Variants in VAT1L observed in about 807,000 individuals in gnomAD.
VAT1L encodes the protein vesicle amine transport 1 like.
In VAT1L, 34 loss-of-function variants were observed where a neutral mutation model predicts 44.1. That is an observed-to-expected ratio of 0.77 (90% CI 0.59 to 1.03). VAT1L has a LOEUF of 1.03. Ranked by LOEUF, VAT1L falls within the 50% of genes least tolerant of loss-of-function variation. The pLI, the probability that VAT1L is intolerant of heterozygous loss-of-function variation, is 0.00. For missense variants in VAT1L, 615 were observed against 538.8 expected, an observed-to-expected ratio of 1.14 and a Z score of -1.40; for synonymous variants, 253 against 202.2, an observed-to-expected ratio of 1.25 and a Z score of -2.13.
chr16:77,948,253 G>A (rs1356860773), intron 7 of VAT1L, among the ~76,000 whole-genome samples: 1 of 152,140 alleles, frequency 6.6e-6, no homozygotes, highest in Non-Finnish European at 1.5e-5. Context: ...GCTCATCTCT[G>A]CATGCTGCCT....
chr16:77,891,724 G>T (rs1179059765), intron 7 of VAT1L, among the ~76,000 whole-genome samples: 1 of 152,226 alleles, frequency 6.6e-6, no homozygotes, highest in East Asian at 1.9e-4. Flanking sequence ...GGAAGAAAAT[G>T]TGATGCTGAG....
At chr16:77,796,724 C>T (rs915073133) in intron 1 of VAT1L, among the ~76,000 whole-genome samples, 3 of 152,202 alleles carry the variant, frequency 2.0e-5, no homozygotes, top group Admixed American at 1.3e-4. Flanking sequence ...CATGAATTGC[C>T]ATCTCTTGTT....
At chr16:77,876,588 G>T in intron 5 of VAT1L, 115 bp downstream of exon 5, 1 of 856,334 alleles carries the variant, frequency 1.2e-6, no homozygotes, top group East Asian at 2.5e-5. Flanking sequence ...GGATGGGGGT[G>T]TTTCATTTTT....
At chr16:77,821,624 T>C (rs534402999) in intron 2 of VAT1L, among the ~76,000 whole-genome samples, 2 of 152,134 alleles carry the variant, frequency 1.3e-5, no homozygotes, top group Non-Finnish European at 2.9e-5. Flanking sequence ...TACAACTGTG[T>C]GGTCTTGGGC....
At chr16:77,932,788 C>T (rs751228212) in intron 7 of VAT1L, among the ~76,000 whole-genome samples, 6 of 152,150 alleles carry the variant, frequency 3.9e-5, no homozygotes, top group Non-Finnish European at 7.4e-5. Context: ...TGCCCACAAA[C>T]CTGCATTCTT....
intron 1 of VAT1L, among the ~76,000 whole-genome samples, chr16:77,793,059 T>G (rs979704885): frequency 2.0e-5 from 3 of 152,226 alleles, no homozygotes; most frequent in African/African-American, 7.2e-5. Flanking sequence ...ACCATTATTA[T>G]GTAAACTTTT....
chr16:77,948,639 G>C (rs192367425), intron 7 of VAT1L, among the ~76,000 whole-genome samples: 1 of 152,114 alleles, frequency 6.6e-6, no homozygotes, highest in Non-Finnish European at 1.5e-5. Context: ...ATATTTGGTT[G>C]ATTTTTTCCT....
chr16:77,921,746 A>G (rs1409102333), intron 7 of VAT1L, among the ~76,000 whole-genome samples: 1 of 152,088 alleles, frequency 6.6e-6, no homozygotes, highest in African/African-American at 2.4e-5. Flanking sequence ...AAACTTGTAC[A>G]CTTTTTTTTC....
At chr16:77,830,120 C>A (rs535519414) in intron 3 of VAT1L, among the ~76,000 whole-genome samples, 49 of 152,204 alleles carry the variant, frequency 3.2e-4, no homozygotes, top group Admixed American at 2.5e-3. Context: ...GAGGCAAGAT[C>A]AGCACTCTGC....
intron 7 of VAT1L, among the ~76,000 whole-genome samples, chr16:77,925,048 C>A (rs933559555): frequency 6.6e-6 from 1 of 152,098 alleles, no homozygotes; most frequent in Non-Finnish European, 1.5e-5. Flanking sequence ...CATGGGTGGT[C>A]CGTTATGTAA....
At chr16:77,942,138 A>T (rs528122209) in intron 7 of VAT1L, among the ~76,000 whole-genome samples, 3 of 152,194 alleles carry the variant, frequency 2.0e-5, no homozygotes, top group Admixed American at 2.0e-4. Flanking sequence ...AGAAAAAAGA[A>T]GTTTAATGGA....
intron 7 of VAT1L, among the ~76,000 whole-genome samples, chr16:77,940,362 G>A (rs933260438): frequency 4.5e-5 from 3 of 66,482 alleles, no homozygotes; most frequent in African/African-American, 1.7e-4. Context: ...TTTTTTTTTG[G>A]AGACAGACTC....
chr16:77,805,865 C>CTTTTTTTTTTTTTTTTT lies in VAT1L; in HGVS notation c.234-11041_234-11040insTTTTTTTTTTTTTTTTT, dbSNP rs10689119. ...GTGTTATTTTTTCCTTAGTCTCTGC[C>CTTTTTTTTTTTTTTTTT]TTTTTTTTTTTTTTTGAGATGGAGT... On this transcript the variant is annotated intron_variant, in intron 1 of 8. Coordinates refer to ENST00000302536, the MANE Select transcript of VAT1L (RefSeq NM_020927.3). 8.2e-4 allele frequency among the ~76,000 whole-genome samples: 65 copies of CTTTTTTTTTTTTTTTTT among 78,848 alleles called. 3 individuals carry two copies. Among genetic ancestry groups the CTTTTTTTTTTTTTTTTT allele is most frequent in the Middle Eastern group, 8.9e-3 (1 of 112 alleles). 51.7% of individuals were successfully genotyped at this position (78,848 alleles called of 152,430 possible). A position where few individuals can be genotyped will look rare whatever the true frequency, so the allele number is the denominator to read the frequency against.
intron 7 of VAT1L, among the ~76,000 whole-genome samples, chr16:77,948,533 T>C (rs2017999507): frequency 6.6e-6 from 1 of 152,124 alleles, no homozygotes; most frequent in African/African-American, 2.4e-5. Context: ...TGTAAACTTT[T>C]TGGAAAATTT....
intron 7 of VAT1L, among the ~76,000 whole-genome samples, chr16:77,912,542 C>G (rs1236865518): frequency 6.6e-6 from 1 of 152,030 alleles, no homozygotes; most frequent in African/African-American, 2.4e-5. Flanking sequence ...CTTGGCCTCC[C>G]AAAATCTACT....
At chr16:77,854,049 A>G (rs1002945998) in intron 3 of VAT1L, among the ~76,000 whole-genome samples, 5 of 151,728 alleles carry the variant, frequency 3.3e-5, no homozygotes, top group African/African-American at 1.2e-4. Flanking sequence ...AAGCTCTTGA[A>G]CCCGGGAGGT....
intron 4 of VAT1L, among the ~76,000 whole-genome samples, chr16:77,874,860 A>AAAAAAAAAAAAAAAAAAAAT (rs1567494445): frequency 6.6e-6 from 1 of 151,014 alleles, no homozygotes; most frequent in Non-Finnish European, 1.5e-5. Context: ...AAAAAAAAAA[A>AAAAAAAAAAAAAAAAAAAAT]AAAGCCAGTC....
chr16:77,979,837 C>G lies in VAT1L; in HGVS notation c.*2142C>G, dbSNP rs1037868106. On this transcript the variant is annotated 3_prime_UTR_variant, in exon 9 of 9. Coordinates refer to ENST00000302536, the MANE Select transcript of VAT1L (RefSeq NM_020927.3). ...TAAGACCAATTTCTGCCATGAAGAA[C>G]CGGGGGACGCAAGTTAATTGTTTAA... The G allele has an allele frequency of 6.6e-5, 10 of 152,564 alleles. No homozygotes were observed. The highest frequency in any genetic ancestry group is 2.4e-4 in the African/African-American group (10 of 41,430). 9.5% of individuals were successfully genotyped at this position (152,564 alleles called of 1,614,324 possible). A position where few individuals can be genotyped will look rare whatever the true frequency, so the allele number is the denominator to read the frequency against.
At chr16:77,842,744 C>A (rs530325542) in intron 3 of VAT1L, among the ~76,000 whole-genome samples, 111 of 152,280 alleles carry the variant, frequency 7.3e-4, no homozygotes, top group South Asian at 1.7e-3. Context: ...CTCCCAGCCC[C>A]ACTAATTGAG....
Sources: gnomAD v4.1 joint callset for allele counts (sites outside exome capture counted in the v4.1 genomes callset) on GRCh38, gnomAD v4.1.1 for gene constraint, MANE v1.5 for transcripts, NCBI Gene and HGNC (gene_info 2026-07-23, HGNC 2026-07-21) for gene names.